The following ADAMTS14 variants were observed in gnomAD, a reference collection of about 807,000 sequenced individuals.
ADAMTS14 encodes A disintegrin and metalloproteinase with thrombospondin motifs 14.
In ADAMTS14, 100 loss-of-function variants were observed where a neutral mutation model predicts 128.6. That is an observed-to-expected ratio of 0.78 (90% CI 0.66 to 0.92). The LOEUF (loss-of-function observed/expected upper bound fraction) is 0.92. Ranked by LOEUF, ADAMTS14 falls within the 40% of genes least tolerant of loss-of-function variation. ADAMTS14 has a pLI of 0.00. For synonymous variants in ADAMTS14, 665 were observed against 653.8 expected (o/e 1.02, Z -0.26); for missense variants, 1,562 against 1,658.6 (o/e 0.94, Z 1.01).
chr10:70,710,328 G>T (rs887051572), intron 4 of ADAMTS14, among the ~76,000 whole-genome samples: 1 of 152,232 alleles, frequency 6.6e-6, no homozygotes, highest in African/African-American at 2.4e-5. Flanking sequence ...TATGTACGTG[G>T]TGGGTCCTGA....
At chr10:70,745,086 C>T (rs1268061059) in intron 14 of ADAMTS14, 140 bp from the exon 15 acceptor site, 2 of 763,692 alleles carry the variant, frequency 2.6e-6, no homozygotes, top group Non-Finnish European at 4.2e-6. Context: ...CCTCAGTTTA[C>T]AAATGAGGAT....
rs1841914161 is a variant in ADAMTS14, at chr10:70,738,981, A to G, written c.1739A>G (p.Asn580Ser). 1 of 1,609,626 alleles carries G rather than the reference A, an allele frequency of 6.2e-7. No homozygotes were observed. Among genetic ancestry groups the G allele is most frequent in the South Asian group, 1.1e-5 (1 of 90,476 alleles). ...GGVRSRSRSC[N>S]NPSPAYGGRL... ...GTGCGATCCCGCAGCCGGAGCTGCA[A>G]CAACCCCTCGTGAGTGTGCTTGGCT... The change falls in exon 11 of 22, where the codon AAC (asparagine) becomes AGC (serine). Residue 580 changes from asparagine to serine, a missense_variant. By Grantham distance (46) the Asn-to-Ser change is conservative. Coordinates refer to ENST00000373207, the MANE Select transcript of ADAMTS14 (RefSeq NM_080722.4).
In ADAMTS14 at chr10:70,708,671, A is replaced by G. The variant is rs1469996246; in HGVS notation, c.763A>G (p.Lys255Glu). Residue 255 changes from lysine (K) to glutamate (E), a missense_variant, in exon 4 of 22, where the codon AAG becomes GAG. Lys to Glu is a moderately conservative substitution (Grantham distance 56). Coordinates refer to ENST00000373207, the MANE Select transcript of ADAMTS14 (RefSeq NM_080722.4). ...CACAGAGCGGAAGCGGCGGCATGCC[A>G]AGCCAGGCAGCTACAGCATCGAGGT... Reference protein sequence around the residue: ...GDTERKRRHAKPGSYSIEVLL... With the variant: ...GDTERKRRHAEPGSYSIEVLL... 6.2e-7 allele frequency: 1 copy of G among 1,613,300 alleles called. No homozygotes were observed. Among genetic ancestry groups the G allele is most frequent in the East Asian group, 2.2e-5 (1 of 44,826 alleles).
Position 70,735,235 on chromosome 10 carries a change from G to T in ADAMTS14, c.1419G>T (p.Gly473=). ...GGCCCCAGCCCCCAGAGCTGCCTGG[G>T]ATCAACTACTCAATGGATGAGCAGT... is the stretch of plus-strand genomic sequence containing the variant. ...PAWPQPPELP[G]INYSMDEQCR... Residue 473 remains glycine (G), a synonymous_variant, in exon 9 of 22, where the codon GGG becomes GGT. Transcript: ENST00000373207. The T allele has an allele frequency of 6.2e-7, 1 of 1,614,082 alleles. No homozygotes were observed. The highest frequency in any genetic ancestry group is 8.5e-7 in the Non-Finnish European group (1 of 1,179,994).
At chr10:70,741,530 GAGA>G (rs1344786613) in intron 12 of ADAMTS14, among the ~76,000 whole-genome samples, 1 of 152,234 alleles carries the variant, frequency 6.6e-6, no homozygotes, top group Non-Finnish European at 1.5e-5. Flanking sequence ...TACCTGCAGG[GAGA>G]AGAATTATAT....
chr10:70,719,016 G>A (rs1841160621), intron 4 of ADAMTS14, among the ~76,000 whole-genome samples: 1 of 151,928 alleles, frequency 6.6e-6, no homozygotes, highest in Non-Finnish European at 1.5e-5. Context: ...TCTTAACCAG[G>A]GACATTTGGT....
At position 70,708,679 on chromosome 10, in the gene ADAMTS14, C is replaced by G; in HGVS notation, c.771C>G (p.Gly257=). The G allele has an allele frequency of 6.2e-7, 1 of 1,613,750 alleles. No individual in the cohort carries two copies. The highest frequency in any genetic ancestry group is 1.7e-4 in the Middle Eastern group (1 of 6,060). The change falls in exon 4 of 22, where the codon GGC becomes GGG. Residue 257 remains glycine, a synonymous_variant. Coordinates refer to ENST00000373207, the MANE Select transcript of ADAMTS14 (RefSeq NM_080722.4). ...GGAAGCGGCGGCATGCCAAGCCAGGCAGCTACAGCATCGAGGTGCTGCTGG... is the reference window on the plus strand; with the variant it reads ...GGAAGCGGCGGCATGCCAAGCCAGGGAGCTACAGCATCGAGGTGCTGCTGG... The part of the protein sequence containing the change: ...TERKRRHAKP[G]SYSIEVLLVV...
intron 4 of ADAMTS14, among the ~76,000 whole-genome samples, chr10:70,719,487 G>A (rs1564536758): frequency 6.6e-6 from 1 of 151,484 alleles, no homozygotes; most frequent in Non-Finnish European, 1.5e-5. Flanking sequence ...CTGTAGCCTC[G>A]ACCTCCTGGG....
chr10:70,731,694 C>G (rs1259524132), intron 6 of ADAMTS14, among the ~76,000 whole-genome samples: 1 of 152,218 alleles, frequency 6.6e-6, no homozygotes, highest in East Asian at 1.9e-4. Flanking sequence ...CAAACCATTC[C>G]CTTTCCCCTT....
chr10:70,715,430 G>A (rs966132395), intron 4 of ADAMTS14, among the ~76,000 whole-genome samples: 1 of 152,098 alleles, frequency 6.6e-6, no homozygotes, highest in African/African-American at 2.4e-5. Context: ...TCTGGGCACT[G>A]TGTGCCCTCA....
intron 21 of ADAMTS14, 99 bp from the exon 22 acceptor site, chr10:70,760,261 T>G: frequency 6.9e-7 from 1 of 1,446,226 alleles, no homozygotes; most frequent in Non-Finnish European, 9.2e-7. Flanking sequence ...GGGGCAGGGG[T>G]GGAGGGCGGG....
intron 2 of ADAMTS14, among the ~76,000 whole-genome samples, chr10:70,698,015 G>C (rs181297484): frequency 8.9e-4 from 136 of 152,310 alleles, no homozygotes; most frequent in African/African-American, 3.2e-3. Flanking sequence ...GGCCAGATTT[G>C]TGCACTGGAG....
At chr10:70,750,062 C>G in intron 16 of ADAMTS14, 77 bp downstream of exon 16, 1 of 1,555,280 alleles carries the variant, frequency 6.4e-7, no homozygotes, top group Non-Finnish European at 8.7e-7. Context: ...GCTGCCAAGC[C>G]AGCGTGACAC....
At chr10:70,691,670 G>C (rs1840194371) in intron 2 of ADAMTS14, among the ~76,000 whole-genome samples, 1 of 152,008 alleles carries the variant, frequency 6.6e-6, no homozygotes, top group Non-Finnish European at 1.5e-5. Flanking sequence ...AGCTTGGATG[G>C]CTGTGAGGGC....
intron 16 of ADAMTS14, among the ~76,000 whole-genome samples, chr10:70,750,395 C>T (rs1451179479): frequency 6.6e-6 from 1 of 152,160 alleles, no homozygotes; most frequent in Non-Finnish European, 1.5e-5. Flanking sequence ...GAGCTCCAGC[C>T]TCCTGAAAAG....
chr10:70,730,276 G>A (rs771558445), intron 6 of ADAMTS14, 27 bp downstream of exon 6: 65 of 1,606,298 alleles, frequency 4.0e-5, no homozygotes, highest in Non-Finnish European at 5.1e-5. Context: ...ATTTGCCATG[G>A]CCAGGTGTGT....
intron 18 of ADAMTS14, among the ~76,000 whole-genome samples, 169 bp downstream of exon 18, chr10:70,752,396 C>T (rs1842376394): frequency 6.6e-6 from 1 of 152,124 alleles, no homozygotes; most frequent in Non-Finnish European, 1.5e-5. Context: ...AGGATGCTGA[C>T]CTCTACCTCT....
intron 2 of ADAMTS14, among the ~76,000 whole-genome samples, chr10:70,679,040 T>G (rs1347376353): frequency 6.6e-6 from 1 of 152,030 alleles, no homozygotes; most frequent in Non-Finnish European, 1.5e-5. Context: ...GCAGGGCCCT[T>G]GCCCTGGAGG....
chr10:70,693,207 T>G (rs1840239619), intron 2 of ADAMTS14, among the ~76,000 whole-genome samples: 1 of 152,070 alleles, frequency 6.6e-6, no homozygotes, highest in Non-Finnish European at 1.5e-5. Context: ...GCCCCCATGA[T>G]CCAATCACCT....
Sources: gnomAD v4.1 joint callset for allele counts (sites outside exome capture counted in the v4.1 genomes callset) on GRCh38, gnomAD v4.1.1 for gene constraint, MANE v1.5 for transcripts, NCBI Gene and HGNC (gene_info 2026-07-23, HGNC 2026-07-21) for gene names.